Variants in TRIAP1 observed in about 807,000 individuals in gnomAD.
The protein encoded by TRIAP1 is TP53-regulated inhibitor of apoptosis 1.
Under a neutral mutation model 8.4 loss-of-function variants are expected in TRIAP1, and 8 were observed. That is an observed-to-expected ratio of 0.96 (90% CI 0.56 to 1.73). The LOEUF (loss-of-function observed/expected upper bound fraction) is 1.73. Among genes scored for constraint, TRIAP1 ranks in the 40% most tolerant of loss-of-function variants. The pLI is 0.00. For missense variants in TRIAP1, 90 were observed against 96.9 expected (o/e 0.93, Z 0.30); for synonymous variants, 35 against 34.0 (o/e 1.03, Z -0.10).
intron 1 of TRIAP1, 112 bp from the exon 2 acceptor site, chr12:120,445,067 T>G: frequency 1.2e-6 from 1 of 805,204 alleles, no homozygotes; most frequent in Non-Finnish European, 2.0e-6. Flanking sequence ...TAAAGACTTA[T>G]AACCATGATT....
rs571683322 is a variant in TRIAP1 at position 120,446,057 on chromosome 12, A to G, written c.147+169T>C. The G allele has an allele frequency of 8.2e-6, 7 of 858,262 alleles. No individual in the cohort carries two copies. In the African/African-American group the frequency reaches 1.0e-4, roughly 13 times the overall value. 53.2% of individuals were successfully genotyped at this position (858,262 alleles called of 1,614,324 possible). ...CCCAATATTTGTCATTCGGAGAGAC[A>G]CCCAAGTGGCCTCGGTGGTGATGGT... On this transcript the variant is annotated intron_variant, in intron 1 of 1. Coordinates refer to ENST00000546954, the MANE Select transcript of TRIAP1 (RefSeq NM_016399.3).
chr12:120,446,147 A>G, intron 1 of TRIAP1, 79 bp downstream of exon 1: 3 of 1,572,112 alleles, frequency 1.9e-6, no homozygotes, highest in Non-Finnish European at 2.6e-6. Flanking sequence ...TCCAGTCCCA[A>G]TCCCCGTAAA....
rs778662973 is a variant in TRIAP1, at chr12:120,444,840, A to G, written c.*32T>C. 6.4e-7 allele frequency: 1 copy of G among 1,573,928 alleles called. No individual in the cohort carries two copies. Among genetic ancestry groups the G allele is most frequent in the Admixed American group, 1.7e-5 (1 of 58,860 alleles). On this transcript the variant is annotated 3_prime_UTR_variant, in exon 2 of 2. Coordinates refer to ENST00000546954, the MANE Select transcript of TRIAP1 (RefSeq NM_016399.3). The stretch of plus-strand genomic sequence containing the variant: ...AAAATCCAGAGTCCTCAATTTCTGG[A>G]CTTGCGAAATCCTTCAAGGTGACTG...
At chr12:120,444,996 G>A (rs1221310498) in intron 1 of TRIAP1, 41 bp from the exon 2 acceptor site, 4 of 1,390,476 alleles carry the variant, frequency 2.9e-6, no homozygotes, top group East Asian at 2.3e-5. Context: ...CCTACATGAA[G>A]CTTAAGTTGC....
chr12:120,446,106 G>A, intron 1 of TRIAP1, 120 bp downstream of exon 1: 26 of 1,404,390 alleles, frequency 1.9e-5, no homozygotes, highest in Non-Finnish European at 2.4e-5. Context: ...CCTGCCACTG[G>A]CCTCACTGCG....
chr12:120,444,861 G>A lies in TRIAP1; in HGVS notation c.*11C>T, dbSNP rs377022828. On this transcript the variant is annotated 3_prime_UTR_variant, in exon 2 of 2. Transcript: ENST00000546954. ...CTGGACTTGCGAAATCCTTCAAGGT[G>A]ACTGTCAAGGTCAAGAAGAATTTTC... 1 of 1,609,566 alleles carries A rather than the reference G, an allele frequency of 6.2e-7. No individual in the cohort carries two copies. The highest frequency in any genetic ancestry group is 1.3e-5 in the African/African-American group (1 of 74,744).
chr12:120,446,327 C>A lies in TRIAP1; in HGVS notation c.46G>T (p.Asp16Tyr). 1 of 1,614,230 alleles carries A rather than the reference C, an allele frequency of 6.2e-7. No individual in the cohort carries two copies. The highest frequency in any genetic ancestry group is 8.5e-7 in the Non-Finnish European group (1 of 1,180,050). ...GCGAACCAGCGATTGAAGCACTGGT[C>A]GTACTCGCGCTTCATGTCCGTGCAT... ...EACTDMKREY[D>Y]QCFNRWFAEK... Residue 16 changes from aspartate to tyrosine, a missense_variant, in exon 1 of 2, where the codon GAC (aspartate) becomes TAC (tyrosine). Coordinates refer to ENST00000546954, the MANE Select transcript of TRIAP1 (RefSeq NM_016399.3).
chr12:120,445,108 C>T (rs1047326517), intron 1 of TRIAP1, among the ~76,000 whole-genome samples, 153 bp from the exon 2 acceptor site: 3 of 152,112 alleles, frequency 2.0e-5, no homozygotes, highest in Non-Finnish European at 2.9e-5. Context: ...AAACAAGTAC[C>T]GGTCAGGTGT....
At chr12:120,445,823 C>T (rs1877836247) in intron 1 of TRIAP1, 1 of 185,222 alleles carries the variant, frequency 5.4e-6, no homozygotes, top group Non-Finnish European at 1.1e-5. Context: ...AGTATAATCC[C>T]GCCCAGACCC....
At position 120,446,294 on chromosome 12, in the gene TRIAP1, A is replaced by G. The variant is rs375193360; in HGVS notation, c.79T>C (p.Phe27Leu). ...TCCCCGGAGCTGTCCCCCTTGAGAA[A>G]TTTCTCGGCGAACCAGCGATTGAAG... Reference protein sequence around the residue: ...QCFNRWFAEKFLKGDSSGDPC... With the variant: ...QCFNRWFAEKLLKGDSSGDPC... Residue 27 changes from phenylalanine (F) to leucine (L), a missense_variant, in exon 1 of 2, where the codon TTT becomes CTT. By Grantham distance (22) the Phe-to-Leu change is conservative. Coordinates refer to ENST00000546954, the MANE Select transcript of TRIAP1 (RefSeq NM_016399.3). 2 of 1,613,974 alleles carry G rather than the reference A, an allele frequency of 1.2e-6. No individual in the cohort carries two copies. Among genetic ancestry groups the G allele is most frequent in the Non-Finnish European group, 1.7e-6 (2 of 1,180,030 alleles).
intron 1 of TRIAP1, among the ~76,000 whole-genome samples, chr12:120,445,512 C>T (rs1207008967): frequency 6.6e-6 from 1 of 152,208 alleles, no homozygotes; most frequent in African/African-American, 2.4e-5. Flanking sequence ...ATAATCATCA[C>T]TTTGTGTTAG....
At chr12:120,445,056 A>C in intron 1 of TRIAP1, 101 bp from the exon 2 acceptor site, 1 of 851,380 alleles carries the variant, frequency 1.2e-6, no homozygotes, top group Admixed American at 2.3e-5. Context: ...CAAGCTGATT[A>C]TAAAGACTTA....
Position 120,446,361 on chromosome 12 carries a change from C to T in TRIAP1, c.12G>A (p.Val4=), listed in dbSNP as rs147621480. 1.5e-5 allele frequency: 24 copies of T among 1,614,178 alleles called. No homozygotes were observed. Among genetic ancestry groups the T allele is most frequent in the Middle Eastern group, 1.6e-4 (1 of 6,062 alleles). ...GCTTCATGTCCGTGCATGCCTCCCC[C>T]ACACTGTTCATGGCGACAGTGGTGG... The part of the protein sequence containing the change: MNS[V]GEACTDMKRE... Residue 4 remains valine (V), a synonymous_variant, in exon 1 of 2, where the codon GTG becomes GTA. Transcript: ENST00000546954.
In TRIAP1 at chr12:120,444,796, T is replaced by C. The variant is rs1057092254; in HGVS notation, c.*76A>G. The C allele has an allele frequency of 9.0e-7, 1 of 1,105,626 alleles. No homozygotes were observed. The highest frequency in any genetic ancestry group is 1.4e-6 in the Non-Finnish European group (1 of 725,964). 68.5% of individuals were successfully genotyped at this position (1,105,626 alleles called of 1,614,324 possible). On this transcript the variant is annotated 3_prime_UTR_variant, in exon 2 of 2. Coordinates refer to ENST00000546954, the MANE Select transcript of TRIAP1 (RefSeq NM_016399.3). ...TTCCTCATCAAATCTGATGGCTATG[T>C]TCACAGAGTTAGTTGACAAAAATCC...
Position 120,444,623 on chromosome 12 carries a change from T to C in TRIAP1, c.*249A>G. The C allele has an allele frequency of 4.4e-6, 2 of 452,738 alleles. No homozygotes were observed. The highest frequency in any genetic ancestry group is 2.3e-5 in the South Asian group (1 of 43,690). The allele number at this position is 452,738 out of a possible 1,614,324, so 28.0% of individuals were successfully genotyped here. ...TGTAAAGCTGATTCCACGCCAAGTA[T>C]TGCAACCATAATCTCAAAAAAATTG... On this transcript the variant is annotated 3_prime_UTR_variant, in exon 2 of 2. Coordinates refer to ENST00000546954, the MANE Select transcript of TRIAP1 (RefSeq NM_016399.3).
rs1176521607 is a variant in TRIAP1 at position 120,444,678 on chromosome 12, T to TA, written c.*193dup. The TA allele has an allele frequency of 3.5e-6, 2 of 573,688 alleles. No individual in the cohort carries two copies. Among genetic ancestry groups the TA allele is most frequent in the Non-Finnish European group, 6.2e-6 (2 of 323,234 alleles). The allele number at this position is 573,688 out of a possible 1,614,324, so 35.5% of individuals were successfully genotyped here. ...ATTTTAGCACACAGTTCCTGCAAGA[T>TA]ACCACAGCAGGTGAGAAATCATCTC... On this transcript the variant is annotated 3_prime_UTR_variant, in exon 2 of 2. Coordinates refer to ENST00000546954, the MANE Select transcript of TRIAP1 (RefSeq NM_016399.3).
Position 120,444,724 on chromosome 12 carries a change from C to T in TRIAP1, c.*148G>A, listed in dbSNP as rs1210988294. On this transcript the variant is annotated 3_prime_UTR_variant, in exon 2 of 2. Transcript: ENST00000546954. ...ATCTCAAAGAGTTCATCTTTTACAA[C>T]TGAGAGGAAAACATCGAAGGAGGAA... 1.0e-5 allele frequency: 7 copies of T among 695,316 alleles called. No individual in the cohort carries two copies. The highest frequency in any genetic ancestry group is 1.8e-5 in the Non-Finnish European group (7 of 390,814). The allele number at this position is 695,316 out of a possible 1,614,324, so 43.1% of individuals were successfully genotyped here.
chr12:120,445,742 CAA>C (rs1565911380), intron 1 of TRIAP1, among the ~76,000 whole-genome samples: 1 of 151,984 alleles, frequency 6.6e-6, no homozygotes, highest in East Asian at 1.9e-4. Context: ...GGGGACTGGT[CAA>C]GAGAGAGAAA....
At position 120,444,851 on chromosome 12, in the gene TRIAP1, C is replaced by T; in HGVS notation, c.*21G>A. 1 of 1,604,676 alleles carries T rather than the reference C, an allele frequency of 6.2e-7. No homozygotes were observed. The highest frequency in any genetic ancestry group is 8.5e-7 in the Non-Finnish European group (1 of 1,172,468). On this transcript the variant is annotated 3_prime_UTR_variant, in exon 2 of 2. Transcript: ENST00000546954. ...TCCTCAATTTCTGGACTTGCGAAAT[C>T]CTTCAAGGTGACTGTCAAGGTCAAG... is the stretch of plus-strand genomic sequence containing the variant.
Sources: allele counts gnomAD v4.1 joint callset (sites outside exome capture counted in the v4.1 genomes callset), GRCh38; gene constraint gnomAD v4.1.1; transcripts MANE v1.5; gene names NCBI Gene and HGNC (gene_info 2026-07-23, HGNC 2026-07-21).